The following ERICH1 variants were observed in gnomAD, a reference collection of about 807,000 sequenced individuals.
ERICH1 encodes glutamate rich 1.
A neutral mutation model predicts 39.6 loss-of-function variants in ERICH1; 56 were observed. That is an observed-to-expected ratio of 1.41 (90% CI 1.14 to 1.77). The LOEUF is 1.77. ERICH1 is among the 40% of genes most tolerant of loss of function. The probability of loss-of-function intolerance (pLI) is 0.00; values close to 1 mark genes in which losing one functional copy is unlikely to be tolerated. For missense variants in ERICH1, 826 were observed against 575.4 expected, an observed-to-expected ratio of 1.44 and a Z score of -4.45; for synonymous variants, 313 against 223.6, an observed-to-expected ratio of 1.40 and a Z score of -3.57.
chr8:681,364 TA>T (rs1228823861), intron 3 of ERICH1, among the ~76,000 whole-genome samples: 3 of 152,224 alleles, frequency 2.0e-5, no homozygotes, highest in Admixed American at 1.3e-4. Flanking sequence ...CTGTCTTATT[TA>T]AAACACGTGC....
chr8:673,636 T>C lies in ERICH1; in HGVS notation c.716A>G (p.Glu239Gly). Residue 239 changes from glutamate to glycine, a missense_variant, in exon 4 of 6, where the codon GAG becomes GGG. Transcript: ENST00000262109. Reference protein sequence around the residue: ...TREEDGADASEEDLTRARQEE... With the variant: ...TREEDGADASGEDLTRARQEE... ...CTGCCTGGCCCGTGTCAGGTCTTCC[T>C]CGCTAGCGTCCGCACCATCTTCCTC... 2 of 1,610,046 alleles carry C rather than the reference T, an allele frequency of 1.2e-6. No homozygotes were observed. Among genetic ancestry groups the C allele is most frequent in the Non-Finnish European group, 8.5e-7 (1 of 1,177,430 alleles).
downstream of ERICH1, among the ~76,000 whole-genome samples, chr8:661,692 GC>G (rs1563201120): frequency 6.6e-6 from 1 of 152,168 alleles, no homozygotes; most frequent in Admixed American, 6.5e-5. Flanking sequence ...AGATTTATTT[GC>G]TTTTGTTTTG....
intron 2 of ERICH1, among the ~76,000 whole-genome samples, chr8:705,805 C>A (rs1813137822): frequency 6.6e-6 from 1 of 152,192 alleles, no homozygotes; most frequent in Admixed American, 6.6e-5. Flanking sequence ...CAGCATCTTG[C>A]ACAGTGATGT....
At position 664,599 on chromosome 8, in the gene ERICH1, C is replaced by T; in HGVS notation, c.*4G>A. ...AGGAGCTGTTCTTAAAGAGATATTCCATTTTAGTCACTGCTCTTCTCAGGA... is the reference window on the plus strand; with the variant it reads ...AGGAGCTGTTCTTAAAGAGATATTCTATTTTAGTCACTGCTCTTCTCAGGA... On this transcript the variant is annotated 3_prime_UTR_variant, in exon 6 of 6. Transcript: ENST00000262109. 3 of 1,604,966 alleles carry T rather than the reference C, an allele frequency of 1.9e-6. No individual in the cohort carries two copies. The highest frequency in any genetic ancestry group is 1.7e-6 in the Non-Finnish European group (2 of 1,176,426).
intron 2 of ERICH1, among the ~76,000 whole-genome samples, chr8:693,936 G>A (rs1181954971): frequency 2.6e-5 from 4 of 152,220 alleles, no homozygotes; most frequent in East Asian, 1.9e-4. Context: ...AAGGTAGCAG[G>A]GCCACTTCCT....
intron 3 of ERICH1, among the ~76,000 whole-genome samples, chr8:674,437 G>A (rs573380143): frequency 2.3e-4 from 35 of 152,088 alleles, no homozygotes; most frequent in Non-Finnish European, 4.1e-4. Flanking sequence ...CCAGTAGCTG[G>A]GAGTACAGGC....
chr8:701,992 G>A (rs912152646), intron 2 of ERICH1, among the ~76,000 whole-genome samples: 6 of 145,074 alleles, frequency 4.1e-5, no homozygotes, highest in East Asian at 2.1e-4. Context: ...CATGAGAATC[G>A]CTTGAACCTG....
rs191290346 is a variant in ERICH1, at chr8:668,864, C to T, written c.1064-72G>A. The stretch of plus-strand genomic sequence containing the variant: ...CTATAAACTAAAGATAAGCTTTCCT[C>T]TCTTAAGGAAGGTCTCAAACCTACG... On this transcript the variant is annotated intron_variant, in intron 4 of 5. Coordinates refer to ENST00000262109, the MANE Select transcript of ERICH1 (RefSeq NM_207332.3). 785 of 1,414,594 alleles carry T rather than the reference C, an allele frequency of 5.5e-4. 4 individuals are homozygous for T. In the African/African-American group the frequency reaches 8.1e-3, roughly 15 times the overall value. The allele number at this position is 1,414,594 out of a possible 1,614,324, so 87.6% of individuals were successfully genotyped here.
chr8:616,215 C>T (rs1438079375), intron 3 of ERICH1: 1 of 229,322 alleles, frequency 4.4e-6, no homozygotes, highest in African/African-American at 2.3e-5. Flanking sequence ...AGTGTAGTCA[C>T]ATAAGCCCAC....
intron 3 of ERICH1, among the ~76,000 whole-genome samples, chr8:649,493 G>T (rs112939970): frequency 0.028 from 4,202 of 152,188 alleles, 165 homozygotes; most frequent in African/African-American, 0.095. Flanking sequence ...TGTATCCTGT[G>T]CATTGTGGAA....
At chr8:616,425 GCA>G (rs200577044) in intron 3 of ERICH1, 31 of 422,842 alleles carry the variant, frequency 7.3e-5, no homozygotes, top group South Asian at 2.4e-4. Context: ...ACCGAACCCC[GCA>G]CACCCCATGC....
exon 4 of ERICH1, chr8:615,037 T>A: frequency 2.2e-6 from 1 of 461,576 alleles, no homozygotes; most frequent in South Asian, 4.8e-5. Context: ...GGAGCAGACG[T>A]GGCTACGCTC....
intron 3 of ERICH1, among the ~76,000 whole-genome samples, chr8:631,502 C>T (rs562490535): frequency 1.3e-4 from 20 of 152,254 alleles, no homozygotes; most frequent in African/African-American, 4.6e-4. Context: ...CCGATGTCTG[C>T]GCCAGGAAGT....
intron 3 of ERICH1, among the ~76,000 whole-genome samples, chr8:683,285 G>C (rs1204653986): frequency 6.6e-6 from 1 of 152,170 alleles, no homozygotes; most frequent in East Asian, 1.9e-4. Flanking sequence ...TTTGGCCTTT[G>C]AGGATAAAAT....
chr8:626,784 A>C (rs1260108978), intron 3 of ERICH1: 2 of 215,932 alleles, frequency 9.3e-6, no homozygotes, highest in African/African-American at 2.2e-5. Context: ...TGCAGAGTGA[A>C]GATTTTGTTT....
intron 3 of ERICH1, among the ~76,000 whole-genome samples, chr8:636,909 T>C (rs552224193): frequency 6.0e-4 from 91 of 152,234 alleles, no homozygotes; most frequent in Non-Finnish European, 1.1e-3. Context: ...TTCTGCAGGG[T>C]CGGAGGGTTG....
At chr8:667,565 G>C (rs1669613) in intron 5 of ERICH1, 138,754 of 152,964 alleles carry the variant, frequency 0.91, 63,045 homozygotes, top group South Asian at 0.95. Context: ...GTGGTAGGCT[G>C]CACAGCCCAC....
At position 621,457 on chromosome 8, in the gene ERICH1, C is replaced by G. The variant is rs1797275759; in HGVS notation, c.977-6173G>C. On this transcript the variant is annotated intron_variant, in intron 3 of 3. Coordinates refer to the ERICH1 transcript ENST00000522706. ...AGGTATACATGTATCAAACATCACA[C>G]AGTAAATATATGTAATTTTTGTCAA... 3.3e-5 allele frequency among the ~76,000 whole-genome samples: 5 copies of G among 151,696 alleles called. No homozygotes were observed. The South Asian group carries it at 1.0e-3, about 32-fold the overall frequency.
chr8:630,566 T>C (rs113188331), intron 3 of ERICH1, among the ~76,000 whole-genome samples: 600 of 48,676 alleles, frequency 0.012, 41 homozygotes, highest in Middle Eastern at 0.028. Context: ...CACACCCTTC[T>C]GTGACCACCC....
Sources: gnomAD v4.1 joint callset for allele counts (sites outside exome capture counted in the v4.1 genomes callset) on GRCh38, gnomAD v4.1.1 for gene constraint, MANE v1.5 for transcripts, NCBI Gene and HGNC (gene_info 2026-07-23, HGNC 2026-07-21) for gene names.